Variants in C17orf78 observed in about 807,000 individuals in gnomAD.
C17orf78 encodes the protein uncharacterized protein C17orf78.
In C17orf78, 27 loss-of-function variants were observed where a neutral mutation model predicts 31.8. That is an observed-to-expected ratio of 0.85 (90% CI 0.63 to 1.17). C17orf78 has a LOEUF of 1.17. Ranked by LOEUF, C17orf78 falls within the 50% of genes most tolerant of loss-of-function variation. The probability of loss-of-function intolerance (pLI) is 0.00; values close to 1 mark genes in which losing one functional copy is unlikely to be tolerated. For missense variants in C17orf78, 258 were observed against 315.2 expected (o/e 0.82, Z 1.37); for synonymous variants, 106 against 115.1 (o/e 0.92, Z 0.51).
intron 1 of C17orf78, 38 bp downstream of exon 1, chr17:37,376,188 G>A: frequency 6.5e-7 from 1 of 1,549,788 alleles, no homozygotes; most frequent in East Asian, 2.2e-5. Flanking sequence ...GGAAAATACA[G>A]AGAGAGGCCT....
At chr17:37,390,146 A>G (rs1425823268) in intron 6 of C17orf78, among the ~76,000 whole-genome samples, 1 of 25,226 alleles carries the variant, frequency 4.0e-5, no homozygotes, top group Non-Finnish European at 5.5e-5. Flanking sequence ...AAAAGTATAT[A>G]TATATATATA....
intron 1 of C17orf78, among the ~76,000 whole-genome samples, chr17:37,377,489 A>T (rs199640713): frequency 7.2e-5 from 11 of 151,888 alleles, no homozygotes; most frequent in Non-Finnish European, 1.6e-4. Context: ...GCGAAACCCC[A>T]TCTCTACTAA....
chr17:37,381,929 G>C (rs1171792964), intron 3 of C17orf78, among the ~76,000 whole-genome samples: 1 of 151,914 alleles, frequency 6.6e-6, no homozygotes, highest in African/African-American at 2.4e-5. Context: ...ACCCGGCCAT[G>C]TCTCTTCTAT....
At chr17:37,382,091 C>A (rs1179144468) in intron 3 of C17orf78, among the ~76,000 whole-genome samples, 2 of 151,924 alleles carry the variant, frequency 1.3e-5, no homozygotes, top group East Asian at 3.8e-4. Flanking sequence ...TACTCAGTAT[C>A]TATATATATT....
chr17:37,378,045 C>T (rs1278881474), intron 2 of C17orf78, 80 bp downstream of exon 2: 5 of 1,266,020 alleles, frequency 3.9e-6, no homozygotes, highest in Admixed American at 1.8e-5. Flanking sequence ...CATCTTCCCA[C>T]TTCCTAGCCC....
intron 1 of C17orf78, 37 bp from the exon 2 acceptor site, chr17:37,377,842 T>TC: frequency 1.3e-6 from 2 of 1,545,076 alleles, no homozygotes; most frequent in Non-Finnish European, 1.8e-6. Flanking sequence ...CCCCAAACCT[T>TC]CCCCGGTTCC....
At position 37,379,384 on chromosome 17, in the gene C17orf78, T is replaced by A. The variant is rs777507368; in HGVS notation, c.391+2T>A. On this transcript the variant is annotated splice_donor_variant, in intron 3 of 6. Transcript: ENST00000615133. LOFTEE classifies it high-confidence loss of function. ...CTGGATCTCTTCTAAAAGGCAAAGGTGAGATTGGAAAAGAGGAAGGGGGCA... is the reference window on the plus strand; with the variant it reads ...CTGGATCTCTTCTAAAAGGCAAAGGAGAGATTGGAAAAGAGGAAGGGGGCA... 1 of 1,612,628 alleles carries A rather than the reference T, an allele frequency of 6.2e-7. No homozygotes were observed. Among genetic ancestry groups the A allele is most frequent in the Non-Finnish European group, 8.5e-7 (1 of 1,179,216 alleles).
intron 3 of C17orf78, among the ~76,000 whole-genome samples, chr17:37,385,039 A>C (rs2050465424): frequency 6.6e-6 from 1 of 152,188 alleles, no homozygotes; most frequent in African/African-American, 2.4e-5. Context: ...GACTCTATCC[A>C]TCTCCCATCA....
intron 3 of C17orf78, among the ~76,000 whole-genome samples, chr17:37,379,619 T>C (rs886682844): frequency 1.3e-5 from 2 of 151,924 alleles, no homozygotes; most frequent in Non-Finnish European, 2.9e-5. Context: ...GCAAAGGACA[T>C]GAACAGACAC....
intron 3 of C17orf78, among the ~76,000 whole-genome samples, 174 bp downstream of exon 3, chr17:37,379,556 T>C (rs2050154054): frequency 6.6e-6 from 1 of 152,234 alleles, no homozygotes; most frequent in Non-Finnish European, 1.5e-5. Flanking sequence ...TTCTGGATAT[T>C]AGCCCTTTGT....
chr17:37,376,101 C>T lies in C17orf78; in HGVS notation c.9C>T (p.Thr3=), dbSNP rs769203964. The T allele has an allele frequency of 1.9e-6, 3 of 1,612,580 alleles. No homozygotes were observed. Among genetic ancestry groups the T allele is most frequent in the Admixed American group, 1.7e-5 (1 of 60,012 alleles). ...CATGTGCTCAAGCTAACATGGATAC[C>T]ATCTTGGTCTTCAGCCTAATCATTG... The part of the protein sequence containing the change: MD[T]ILVFSLIIAS... Residue 3 remains threonine (T), a synonymous_variant, in exon 1 of 7, where the codon ACC becomes ACT. Coordinates refer to ENST00000615133, the MANE Select transcript of C17orf78 (RefSeq NM_173625.5).
At chr17:37,386,637 T>C (rs2050544584) in intron 4 of C17orf78, among the ~76,000 whole-genome samples, 1 of 152,060 alleles carries the variant, frequency 6.6e-6, no homozygotes, top group South Asian at 2.1e-4. Context: ...CCCAGAAATG[T>C]TTGTAATTTG....
intron 3 of C17orf78, among the ~76,000 whole-genome samples, chr17:37,380,207 T>C (rs1243594271): frequency 1.4e-5 from 2 of 140,784 alleles, no homozygotes; most frequent in Admixed American, 7.9e-5. Flanking sequence ...TTCTCACTCA[T>C]AGGTGGGAAT....
intron 6 of C17orf78, among the ~76,000 whole-genome samples, chr17:37,390,658 T>C (rs1276515795): frequency 6.8e-6 from 1 of 147,858 alleles, no homozygotes; most frequent in Admixed American, 6.8e-5. Flanking sequence ...AGCCAGCTGG[T>C]GGCATGTGCC....
intron 6 of C17orf78, 114 bp downstream of exon 6, chr17:37,389,476 C>T: frequency 7.1e-7 from 1 of 1,401,954 alleles, no homozygotes; most frequent in Non-Finnish European, 9.5e-7. Flanking sequence ...GCAGGTGGAT[C>T]ACCTGAGGTG....
intron 6 of C17orf78, among the ~76,000 whole-genome samples, chr17:37,390,242 T>TTA (rs1275489019): frequency 6.2e-5 from 3 of 48,624 alleles, no homozygotes; most frequent in Non-Finnish European, 9.1e-5. Flanking sequence ...ATATAATATA[T>TTA]TATATATATA....
chr17:37,380,842 C>A (rs1345043290), intron 3 of C17orf78, among the ~76,000 whole-genome samples: 1 of 151,578 alleles, frequency 6.6e-6, no homozygotes, highest in Admixed American at 6.6e-5. Context: ...AGTATCTGCC[C>A]GCCTTGGCCT....
chr17:37,381,919 A>T (rs112626895), intron 3 of C17orf78, among the ~76,000 whole-genome samples: 31 of 152,010 alleles, frequency 2.0e-4, no homozygotes, highest in African/African-American at 5.5e-4. Flanking sequence ...GAGCCACTGC[A>T]CCCGGCCATG....
chr17:37,377,044 A>G (rs1597737995), intron 1 of C17orf78, among the ~76,000 whole-genome samples: 2 of 152,346 alleles, frequency 1.3e-5, no homozygotes, highest in East Asian at 1.9e-4. Flanking sequence ...AATTTGACAA[A>G]TTATAAAAAT....
Sources: allele counts gnomAD v4.1 joint callset (sites outside exome capture counted in the v4.1 genomes callset), GRCh38; gene constraint gnomAD v4.1.1; transcripts MANE v1.5; gene names NCBI Gene and HGNC (gene_info 2026-07-23, HGNC 2026-07-21).